Variants in SLC2A14 observed in about 807,000 individuals in gnomAD.
SLC2A14 encodes the protein solute carrier family 2, facilitated glucose transporter member 14.
SLC2A14 carries 13 observed loss-of-function variants against 43.0 expected under a neutral mutation model. The observed-to-expected ratio is 0.30, with a 90% confidence interval of 0.20 to 0.48. The LOEUF (loss-of-function observed/expected upper bound fraction) is 0.48, where lower values mean the gene tolerates loss of function less well. Ranked by LOEUF, SLC2A14 falls within the 20% of genes least tolerant of loss-of-function variation. The pLI, the probability that SLC2A14 is intolerant of heterozygous loss-of-function variation, is 0.99. For synonymous variants in SLC2A14, 190 were observed against 233.8 expected, an observed-to-expected ratio of 0.81 and a Z score of 1.71; for missense variants, 428 against 620.4, an observed-to-expected ratio of 0.69 and a Z score of 3.29.
rs907042581 is a variant in SLC2A14, at chr12:7,827,441, G to A, written c.864+54C>T. ...CAGAGGCACACCGCCACCATGCCTG[G>A]CATTTTAAGTGAAATATTGTAAGAC... On this transcript the variant is annotated intron_variant, in intron 7 of 10. Transcript: ENST00000431042. 7.0e-6 allele frequency: 11 copies of A among 1,579,916 alleles called. No individual in the cohort carries two copies. The South Asian group carries it at 1.2e-4, about 17-fold the overall frequency.
At chr12:7,822,380 G>GAC (rs1229384989) in intron 7 of SLC2A14, among the ~76,000 whole-genome samples, 1 of 151,914 alleles carries the variant, frequency 6.6e-6, no homozygotes, top group Non-Finnish European at 1.5e-5. Flanking sequence ...CTTATATGAA[G>GAC]GTGTAGGCTG....
At chr12:7,844,398 T>C (rs937756441) in intron 2 of SLC2A14, among the ~76,000 whole-genome samples, 3 of 152,200 alleles carry the variant, frequency 2.0e-5, no homozygotes, top group Non-Finnish European at 2.9e-5. Flanking sequence ...CACTGATGTA[T>C]GCATCATTGT....
chr12:7,860,453 CCGGAAATACA>C (rs1944486076), intron 2 of SLC2A14: 1 of 152,112 alleles, frequency 6.6e-6, no homozygotes, highest in Admixed American at 6.6e-5. Flanking sequence ...TTACAAAACT[CCGGAAATACA>C]CTCTTGGAAC....
chr12:7,878,060 A>AT (rs765904973), upstream of SLC2A14, among the ~76,000 whole-genome samples: 7 of 149,190 alleles, frequency 4.7e-5, no homozygotes, highest in East Asian at 1.0e-3. Context: ...TTTATTTTTT[A>AT]TTTTTTTGAG....
chr12:7,870,195 A>C (rs1945148465), intron 1 of SLC2A14, among the ~76,000 whole-genome samples: 1 of 152,154 alleles, frequency 6.6e-6, no homozygotes, highest in East Asian at 1.9e-4. Flanking sequence ...GCTGAAGGTA[A>C]GGTAAAAATG....
At chr12:7,865,469 G>A (rs1334178820) in intron 2 of SLC2A14, among the ~76,000 whole-genome samples, 5 of 151,908 alleles carry the variant, frequency 3.3e-5, no homozygotes, top group Admixed American at 6.6e-5. Context: ...CCTGGGAGGC[G>A]GAGGTTACAG....
rs140748170 is a variant in SLC2A14 at position 7,869,842 on chromosome 12, G to C, written c.18+21C>G. ...ACTCTGACAAACCAATTTGATATCT[G>C]ACATCAGTTTTAATACTCACATTCT... On this transcript the variant is annotated intron_variant, in intron 2 of 10. Coordinates refer to ENST00000431042, the MANE Select transcript of SLC2A14 (RefSeq NM_001286234.2). The C allele has an allele frequency of 4.2e-6, 6 of 1,421,018 alleles. No individual in the cohort carries two copies. In the South Asian group the frequency reaches 6.1e-5, roughly 15 times the overall value. 88.0% of individuals were successfully genotyped at this position (1,421,018 alleles called of 1,614,324 possible).
At chr12:7,891,098 T>G in exon 1 of SLC2A14, 1 of 1,534,696 alleles carries the variant, frequency 6.5e-7, no homozygotes, top group Non-Finnish European at 8.7e-7. Flanking sequence ...CCAGGAGTAC[T>G]TCTACTCTCA....
intron 2 of SLC2A14, chr12:7,863,267 C>A: frequency 2.5e-6 from 1 of 400,744 alleles, no homozygotes; most frequent in South Asian, 1.8e-5. Context: ...ACTCCTGAGC[C>A]AGCAAGACCA....
intron 2 of SLC2A14, among the ~76,000 whole-genome samples, chr12:7,861,961 C>CA (rs398018322): frequency 0.67 from 87,968 of 131,998 alleles, 28,659 homozygotes; most frequent in East Asian, 0.92. Context: ...GACTCCATTT[C>CA]AAAAAAAAAA....
rs557032063 is a variant in SLC2A14, at chr12:7,837,858, A to G, written c.19-5044T>C. ...CTGCAACCTCCACCTCCTGCGTTCAAGCAATTCTCCTGTCTCAGCCTCCCA... is the reference window on the plus strand; with the variant it reads ...CTGCAACCTCCACCTCCTGCGTTCAGGCAATTCTCCTGTCTCAGCCTCCCA... On this transcript the variant is annotated intron_variant, in intron 2 of 10. Coordinates refer to ENST00000431042, the MANE Select transcript of SLC2A14 (RefSeq NM_001286234.2). Among the ~76,000 whole-genome samples the G allele has an allele frequency of 4.3e-3, 660 of 152,038 alleles. 2 individuals carry two copies. The highest frequency in any genetic ancestry group is 6.8e-3 in the Non-Finnish European group (463 of 67,988).
At chr12:7,883,523 C>G (rs181759956) in intron 1 of SLC2A14, among the ~76,000 whole-genome samples, 2 of 150,994 alleles carry the variant, frequency 1.3e-5, no homozygotes, top group Admixed American at 1.3e-4. Context: ...GCCTCGGCCT[C>G]CCAAAGTGCT....
At chr12:7,883,033 A>T (rs2121113222) in intron 1 of SLC2A14, among the ~76,000 whole-genome samples, 1 of 151,352 alleles carries the variant, frequency 6.6e-6, no homozygotes, top group South Asian at 2.1e-4. Flanking sequence ...ACATGGTGAA[A>T]CCCTGTCTCT....
At chr12:7,845,772 C>A (rs1311935836) in intron 2 of SLC2A14, among the ~76,000 whole-genome samples, 16 of 100,906 alleles carry the variant, frequency 1.6e-4, no homozygotes, top group African/African-American at 6.0e-4. Flanking sequence ...CAGCGAGACT[C>A]CATCTCAAAA....
At chr12:7,830,089 C>A in intron 4 of SLC2A14, 83 bp from the exon 5 acceptor site, 1 of 1,538,328 alleles carries the variant, frequency 6.5e-7, no homozygotes, top group Non-Finnish European at 8.8e-7. Flanking sequence ...TTATTCTGCT[C>A]TTCTCCAGGC....
At chr12:7,880,056 A>G (rs1291891738) in intron 1 of SLC2A14, among the ~76,000 whole-genome samples, 1 of 151,652 alleles carries the variant, frequency 6.6e-6, no homozygotes, top group Non-Finnish European at 1.5e-5. Flanking sequence ...TAATCCCAGC[A>G]CTTTGGGAGG....
chr12:7,888,333 AAAGCAT>A (rs1945720283), intron 1 of SLC2A14, among the ~76,000 whole-genome samples: 1 of 152,144 alleles, frequency 6.6e-6, no homozygotes, highest in Non-Finnish European at 1.5e-5. Context: ...ACGTTTTTAA[AAAGCAT>A]AATCATTTTT....
At chr12:7,837,642 A>C (rs1237461715) in intron 2 of SLC2A14, among the ~76,000 whole-genome samples, 1 of 136,532 alleles carries the variant, frequency 7.3e-6, no homozygotes, top group African/African-American at 2.9e-5. Context: ...TCGTCTCAAA[A>C]AAAAAAAAAA....
chr12:7,878,274 C>G (rs1360509706), upstream of SLC2A14, among the ~76,000 whole-genome samples: 2 of 151,670 alleles, frequency 1.3e-5, no homozygotes, highest in East Asian at 3.9e-4. Context: ...TGGTGTCAAA[C>G]TCCTGACCTC....
Sources: gnomAD v4.1 joint callset for allele counts (sites outside exome capture counted in the v4.1 genomes callset) on GRCh38, gnomAD v4.1.1 for gene constraint, MANE v1.5 for transcripts, NCBI Gene and HGNC (gene_info 2026-07-23, HGNC 2026-07-21) for gene names.